Variants in SPSB1 observed in about 807,000 individuals in gnomAD.
The protein encoded by SPSB1 is splA/ryanodine receptor domain and SOCS box containing 1.
SPSB1 carries 8 observed loss-of-function variants against 21.2 expected under a neutral mutation model. That is an observed-to-expected ratio of 0.38 (90% confidence interval 0.22 to 0.68). The LOEUF is 0.68. Ranked by LOEUF, SPSB1 falls within the 30% of genes least tolerant of loss-of-function variation. The pLI, the probability that SPSB1 is intolerant of heterozygous loss-of-function variation, is 0.53. For synonymous variants in SPSB1, 169 were observed against 161.7 expected (o/e 1.05, Z -0.34); for missense variants, 242 against 377.8 (o/e 0.64, Z 2.98).
chr1:9,325,912 G>A (rs1393768088), intron 1 of SPSB1, among the ~76,000 whole-genome samples: 1 of 152,154 alleles, frequency 6.6e-6, no homozygotes, highest in Non-Finnish European at 1.5e-5. Flanking sequence ...CAGAGATCCT[G>A]AGGCAGGAGC....
chr1:9,312,396 A>G lies in SPSB1; in HGVS notation c.-150+19325A>G, dbSNP rs187638548. Among the ~76,000 whole-genome samples the G allele has an allele frequency of 1.5e-4, 23 of 152,198 alleles. No homozygotes were observed. In the East Asian group the frequency reaches 4.1e-3, roughly 27 times the overall value. On this transcript the variant is annotated intron_variant, in intron 1 of 2. Coordinates refer to ENST00000328089, the MANE Select transcript of SPSB1 (RefSeq NM_025106.4). ...TGAATATTGTAGGCAGTGAGCGCTAACACAGGGTTCTTTCGTAACAGCCCT... is the reference window on the plus strand; with the variant it reads ...TGAATATTGTAGGCAGTGAGCGCTAGCACAGGGTTCTTTCGTAACAGCCCT...
chr1:9,327,686 C>A (rs2100489599), intron 1 of SPSB1, among the ~76,000 whole-genome samples: 1 of 152,310 alleles, frequency 6.6e-6, no homozygotes, highest in South Asian at 2.1e-4. Context: ...TCACCATTTC[C>A]TAAGGTCTCA....
intron 1 of SPSB1, among the ~76,000 whole-genome samples, chr1:9,297,713 A>C (rs1639248737): frequency 6.6e-6 from 1 of 152,166 alleles, no homozygotes; most frequent in South Asian, 2.1e-4. Flanking sequence ...ACCCACTGTG[A>C]GTAAGTTGGA....
intron 1 of SPSB1, chr1:9,339,386 C>T (rs113999081): frequency 0.023 from 18,560 of 822,206 alleles, 292 homozygotes; most frequent in Middle Eastern, 0.071. Context: ...CAGGTTCTGG[C>T]AGGACCCAGG....
intron 1 of SPSB1, among the ~76,000 whole-genome samples, chr1:9,294,198 G>C (rs1165607457): frequency 6.6e-6 from 1 of 151,900 alleles, no homozygotes; most frequent in Non-Finnish European, 1.5e-5. Context: ...GTGTGTCTCT[G>C]TGTCTTTGTG....
intron 2 of SPSB1, among the ~76,000 whole-genome samples, chr1:9,364,257 G>A (rs537538146): frequency 3.9e-5 from 6 of 152,326 alleles, no homozygotes; most frequent in South Asian, 2.1e-4. Flanking sequence ...ATGCAGGCGC[G>A]CTCCCAAGCA....
At chr1:9,303,514 C>T (rs888665654) in intron 1 of SPSB1, among the ~76,000 whole-genome samples, 1 of 152,194 alleles carries the variant, frequency 6.6e-6, no homozygotes, top group Non-Finnish European at 1.5e-5. Flanking sequence ...AGGCAAATAT[C>T]TGTTTTCTTT....
At chr1:9,357,157 ATGGG>A (rs375247676) in intron 2 of SPSB1, among the ~76,000 whole-genome samples, 38,054 of 146,664 alleles carry the variant, frequency 0.26, 5,101 homozygotes, top group Admixed American at 0.33. Context: ...GGGTGGATGG[ATGGG>A]TGGATGGATG....
At chr1:9,355,313 A>G (rs554229500) in intron 1 of SPSB1, among the ~76,000 whole-genome samples, 17 of 152,344 alleles carry the variant, frequency 1.1e-4, no homozygotes, top group African/African-American at 4.1e-4. Flanking sequence ...CTGGGGCTCC[A>G]CTTCCCCTCT....
chr1:9,327,295 T>G (rs1465542496), intron 1 of SPSB1, among the ~76,000 whole-genome samples: 1 of 152,244 alleles, frequency 6.6e-6, no homozygotes, highest in Non-Finnish European at 1.5e-5. Flanking sequence ...ATGTATGTAA[T>G]CTATCGATAC....
rs2100527788 is a variant in SPSB1 at position 9,369,299 on chromosome 1, C to G, written c.*1724C>G. ...TGGGTCACATTCTGATGAATGTTTC[C>G]CTTGTACAGATCCCAGCTTATGGCC... On this transcript the variant is annotated 3_prime_UTR_variant, in exon 3 of 3. Coordinates refer to ENST00000328089, the MANE Select transcript of SPSB1 (RefSeq NM_025106.4). The G allele has an allele frequency of 6.6e-6, 1 of 152,090 alleles. No individual in the cohort carries two copies. The highest frequency in any genetic ancestry group is 6.6e-5 in the Admixed American group (1 of 15,258). 9.4% of individuals were successfully genotyped at this position (152,090 alleles called of 1,614,324 possible).
Position 9,367,845 on chromosome 1 carries a change from T to G in SPSB1, c.*270T>G. On this transcript the variant is annotated 3_prime_UTR_variant, in exon 3 of 3. Coordinates refer to ENST00000328089, the MANE Select transcript of SPSB1 (RefSeq NM_025106.4). The surrounding 1 kb of genome is among the most constrained non-coding windows in gnomAD (Gnocchi z 5.9). The stretch of plus-strand genomic sequence containing the variant: ...CCTCTTTGAAAAAAGACACAGAGAA[T>G]AAACTCCTACGAAAGCCCTACATTG... 2.0e-6 allele frequency: 1 copy of G among 492,080 alleles called. No homozygotes were observed. The highest frequency in any genetic ancestry group is 3.6e-6 in the Non-Finnish European group (1 of 277,238). 30.5% of individuals were successfully genotyped at this position (492,080 alleles called of 1,614,324 possible).
intron 1 of SPSB1, among the ~76,000 whole-genome samples, chr1:9,344,631 T>A (rs1160552429): frequency 6.6e-6 from 1 of 152,124 alleles, no homozygotes; most frequent in Non-Finnish European, 1.5e-5. Context: ...GCCTGGAGCT[T>A]TATTAGGCAA....
At chr1:9,336,413 A>AC in intron 1 of SPSB1, among the ~76,000 whole-genome samples, 1 of 151,792 alleles carries the variant, frequency 6.6e-6, no homozygotes, top group Non-Finnish European at 1.5e-5. Context: ...TTTAGTAGAG[A>AC]TGGGGTTTCT....
intron 1 of SPSB1, among the ~76,000 whole-genome samples, chr1:9,301,324 C>A (rs1330273238): frequency 6.6e-6 from 1 of 151,976 alleles, no homozygotes; most frequent in Non-Finnish European, 1.5e-5. Flanking sequence ...GACTCCCCGC[C>A]CCCGCCATCT....
At chr1:9,349,259 C>A (rs1190712119) in intron 1 of SPSB1, among the ~76,000 whole-genome samples, 1 of 152,250 alleles carries the variant, frequency 6.6e-6, no homozygotes, top group Non-Finnish European at 1.5e-5. Flanking sequence ...CCGTTTTTCG[C>A]TCCTCTCTGC....
Position 9,324,754 on chromosome 1 carries a change from G to A in SPSB1, c.-149-30989G>A, listed in dbSNP as rs1186892568. On this transcript the variant is annotated intron_variant, in intron 1 of 2. Coordinates refer to ENST00000328089, the MANE Select transcript of SPSB1 (RefSeq NM_025106.4). The surrounding 1 kb of genome is among the most constrained non-coding windows in gnomAD (Gnocchi z 4.3). ...TCTGGGAATGAGCACAGCCACCTCC[G>A]AGCCACAGCTCACTCTGACAAAAAC... is the stretch of plus-strand genomic sequence containing the variant. 3.3e-5 allele frequency among the ~76,000 whole-genome samples: 5 copies of A among 152,170 alleles called. No individual in the cohort carries two copies. The highest frequency in any genetic ancestry group is 1.3e-4 in the Admixed American group (2 of 15,278).
rs2100514861 is a variant in SPSB1, at chr1:9,355,738, A to G, written c.-149-5A>G. 7.3e-7 allele frequency: 1 copy of G among 1,378,204 alleles called. No homozygotes were observed. Among genetic ancestry groups the G allele is most frequent in the Non-Finnish European group, 9.4e-7 (1 of 1,065,022 alleles). 85.4% of individuals were successfully genotyped at this position (1,378,204 alleles called of 1,614,324 possible). A position where few individuals can be genotyped will look rare whatever the true frequency, so the allele number is the denominator to read the frequency against. On this transcript the variant is annotated splice_polypyrimidine_tract_variant and splice_region_variant and intron_variant, in intron 1 of 2. Coordinates refer to ENST00000328089, the MANE Select transcript of SPSB1 (RefSeq NM_025106.4). ...TCACCGGTTGTTTGTCTTTCCGTCC[A>G]TTAGGCAATACTGAACACTGCGCAG...
At chr1:9,341,514 G>A (rs1640090106) in intron 1 of SPSB1, among the ~76,000 whole-genome samples, 1 of 152,208 alleles carries the variant, frequency 6.6e-6, no homozygotes, top group South Asian at 2.1e-4. Context: ...ACATTATTTG[G>A]ACTTGGGTGT....
Sources: gnomAD v4.1 joint callset for allele counts (sites outside exome capture counted in the v4.1 genomes callset) on GRCh38, gnomAD v4.1.1 for gene constraint, Gnocchi (gnomAD v3.1) non-coding constraint, MANE v1.5 for transcripts, NCBI Gene and HGNC (gene_info 2026-07-23, HGNC 2026-07-21) for gene names.